DAB2IP: variants seen among roughly 807,000 people sequenced by gnomAD.
DAB2IP encodes disabled homolog 2-interacting protein.
Under a neutral mutation model 107.2 loss-of-function variants are expected in DAB2IP, and 28 were observed. The ratio of observed to expected loss-of-function variants is 0.26; its 90% CI spans 0.19 to 0.36. The LOEUF is 0.36. Among genes scored for constraint, DAB2IP ranks in the 10% least tolerant of loss-of-function variants. DAB2IP has a pLI of 1.00. For synonymous variants in DAB2IP, 755 were observed against 706.4 expected, an observed-to-expected ratio of 1.07 and a Z score of -1.09; for missense variants, 1,400 against 1,644.7, an observed-to-expected ratio of 0.85 and a Z score of 2.57.
At chr9:121,705,295 A>G (rs1026707536) in intron 3 of DAB2IP, among the ~76,000 whole-genome samples, 10 of 152,194 alleles carry the variant, frequency 6.6e-5, no homozygotes, top group Non-Finnish European at 1.5e-5. Flanking sequence ...CCTCATGAAG[A>G]TGTGTGTACA....
intron 1 of DAB2IP, among the ~76,000 whole-genome samples, chr9:121,592,836 G>T (rs1830444229): frequency 6.6e-6 from 1 of 152,168 alleles, no homozygotes; most frequent in Non-Finnish European, 1.5e-5. Flanking sequence ...AGCTGACAAG[G>T]AAAAGACGGG....
chr9:121,695,057 G>C (rs1470630996), intron 2 of DAB2IP, among the ~76,000 whole-genome samples: 3 of 152,100 alleles, frequency 2.0e-5, no homozygotes, highest in Non-Finnish European at 4.4e-5. Context: ...GTGAATGAAA[G>C]CTGAGGCCTC....
In DAB2IP at chr9:121,606,041, G is replaced by T. The variant is rs114148918; in HGVS notation, c.40+38813G>T. Reference sequence around the variant, plus strand: ...GGCCAAAAGGGAAAGAAAAAAATGAGGACCAAAAATATATACTAAGGTTGG... The same window carrying T: ...GGCCAAAAGGGAAAGAAAAAAATGATGACCAAAAATATATACTAAGGTTGG... On this transcript the variant is annotated intron_variant, in intron 1 of 16. Transcript: ENST00000259371. Among the ~76,000 whole-genome samples, 615 of 152,232 alleles carry T rather than the reference G, an allele frequency of 4.0e-3. 8 individuals carry two copies. Among genetic ancestry groups the T allele is most frequent in the African/African-American group, 0.014 (587 of 41,556 alleles).
chr9:121,780,063 T>C (rs549844938), intron 14 of DAB2IP, among the ~76,000 whole-genome samples: 12 of 152,340 alleles, frequency 7.9e-5, no homozygotes, highest in Admixed American at 3.3e-4. Flanking sequence ...GGTTGGTTTT[T>C]AATAAAGAGA....
At chr9:121,765,918 G>C (rs370622143) in intron 8 of DAB2IP, among the ~76,000 whole-genome samples, 1 of 152,174 alleles carries the variant, frequency 6.6e-6, no homozygotes, top group Non-Finnish European at 1.5e-5. Flanking sequence ...TTGTCCCACC[G>C]TGTTCAGGGG....
intron 1 of DAB2IP, among the ~76,000 whole-genome samples, chr9:121,637,002 G>A (rs984954260): frequency 2.0e-5 from 3 of 152,194 alleles, no homozygotes; most frequent in African/African-American, 7.2e-5. Context: ...CTAAAGCCTT[G>A]AGCTCTCTTT....
At chr9:121,604,680 G>A (rs980194661) in intron 1 of DAB2IP, among the ~76,000 whole-genome samples, 3 of 152,170 alleles carry the variant, frequency 2.0e-5, no homozygotes, top group African/African-American at 7.2e-5. Flanking sequence ...CCCTAAGGGT[G>A]AGCCGTTCCT....
chr9:121,615,729 C>T (rs542301747), intron 1 of DAB2IP, among the ~76,000 whole-genome samples: 15 of 151,954 alleles, frequency 9.9e-5, no homozygotes, highest in East Asian at 7.7e-4. Context: ...CTGGTTCAAG[C>T]GATTCTCCTG....
rs1832337279 is a variant in DAB2IP, at chr9:121,641,995, T to TC, written c.41-36683_41-36682insC. On this transcript the variant is annotated intron_variant, in intron 1 of 16. Coordinates refer to the DAB2IP transcript ENST00000259371. The stretch of plus-strand genomic sequence containing the variant: ...CTCTTTCTTTCTTTCTTTCTTTCCT[T>TC]TCTCTCTCTCTCTCTCTCTCTCTCT... 4.6e-4 allele frequency among the ~76,000 whole-genome samples: 16 copies of TC among 35,006 alleles called. 1 individual carries two copies. The highest frequency in any genetic ancestry group is 6.0e-4 in the Non-Finnish European group (12 of 19,934). 23.0% of individuals were successfully genotyped at this position (35,006 alleles called of 152,430 possible). A position where few individuals can be genotyped will look rare whatever the true frequency, so the allele number is the denominator to read the frequency against.
chr9:121,671,159 AAAAAC>A (rs1377034096), intron 1 of DAB2IP, among the ~76,000 whole-genome samples: 2 of 152,102 alleles, frequency 1.3e-5, no homozygotes, highest in East Asian at 1.9e-4. Flanking sequence ...AAAAAAAACA[AAAAAC>A]AAAACAAAAC....
At chr9:121,575,351 T>A (rs1830032251) in intron 1 of DAB2IP, 1 of 152,450 alleles carries the variant, frequency 6.6e-6, no homozygotes, top group Non-Finnish European at 1.5e-5. Context: ...GCAGGATAGA[T>A]CCTTCCTTCT....
chr9:121,603,102 C>T (rs1053444995), intron 1 of DAB2IP, among the ~76,000 whole-genome samples: 5 of 152,246 alleles, frequency 3.3e-5, no homozygotes, highest in Non-Finnish European at 5.9e-5. Flanking sequence ...CATCCTCCTA[C>T]TGTGGCCTCT....
chr9:121,680,423 G>A (rs536695478), intron 2 of DAB2IP, among the ~76,000 whole-genome samples: 3 of 152,320 alleles, frequency 2.0e-5, no homozygotes, highest in African/African-American at 7.2e-5. Context: ...GAGCCCATGG[G>A]CAATGAGGAG....
Position 121,760,857 on chromosome 9 carries a change from C to T in DAB2IP, c.1170+418C>T, listed in dbSNP as rs1308952409. 6.6e-6 allele frequency among the ~76,000 whole-genome samples: 1 copy of T among 152,218 alleles called. No individual in the cohort carries two copies. Among genetic ancestry groups the T allele is most frequent in the Non-Finnish European group, 1.5e-5 (1 of 68,048 alleles). ...TGGGGTATGGAGTTCGGCAGACCTC[C>T]CCAGCACGATGCACAGATGAGCCTC... On this transcript the variant is annotated intron_variant, in intron 6 of 15. Transcript: ENST00000408936. This position sits in a 1 kb window ranked among gnomAD's most constrained non-coding sequence, Gnocchi z 5.9.
At chr9:121,594,325 C>A (rs1364840036) in intron 1 of DAB2IP, among the ~76,000 whole-genome samples, 1 of 151,304 alleles carries the variant, frequency 6.6e-6, no homozygotes, top group Non-Finnish European at 1.5e-5. Context: ...GCAACCTTCA[C>A]TTCCCAGGTT....
chr9:121,649,599 G>C (rs1330516474), upstream of DAB2IP, among the ~76,000 whole-genome samples: 2 of 152,162 alleles, frequency 1.3e-5, no homozygotes, highest in East Asian at 3.9e-4. Context: ...CGTTGCCCCC[G>C]TCCTGAGTAG....
intron 1 of DAB2IP, among the ~76,000 whole-genome samples, chr9:121,595,864 G>A (rs911944418): frequency 7.9e-5 from 12 of 152,146 alleles, no homozygotes; most frequent in African/African-American, 2.2e-4. Context: ...CACCAGTCAC[G>A]TAGTTTGTGG....
At chr9:121,579,104 C>T (rs7032558) in intron 1 of DAB2IP, among the ~76,000 whole-genome samples, 37,496 of 151,992 alleles carry the variant, frequency 0.25, 5,518 homozygotes, top group African/African-American at 0.39. Context: ...ATCTCTGCCC[C>T]TTACCAGGGG....
At chr9:121,735,286 G>T (rs1017106556) in intron 3 of DAB2IP, among the ~76,000 whole-genome samples, 4 of 152,158 alleles carry the variant, frequency 2.6e-5, no homozygotes, top group Admixed American at 1.3e-4. Context: ...GCAGAGCTGA[G>T]CCTGGAGCCT....
Sources: allele counts gnomAD v4.1 joint callset (sites outside exome capture counted in the v4.1 genomes callset), GRCh38; gene constraint gnomAD v4.1.1; non-coding constraint Gnocchi (gnomAD v3.1); transcripts MANE v1.5; gene names NCBI Gene and HGNC (gene_info 2026-07-23, HGNC 2026-07-21).